The following ANKRD44 variants were observed in gnomAD, a reference collection of about 807,000 sequenced individuals.
ANKRD44 encodes serine/threonine-protein phosphatase 6 regulatory ankyrin repeat subunit B.
A neutral mutation model predicts 116.0 loss-of-function variants in ANKRD44; 35 were observed. The observed-to-expected ratio is 0.30, with a 90% CI of 0.23 to 0.40. ANKRD44 has a LOEUF of 0.40. ANKRD44 is among the 10% of genes least tolerant of loss of function. The pLI is 1.00. For missense variants in ANKRD44, 1,014 were observed against 1,242.6 expected, an observed-to-expected ratio of 0.82 and a Z score of 2.77; for synonymous variants, 435 against 461.8, an observed-to-expected ratio of 0.94 and a Z score of 0.74.
At chr2:197,261,924 G>T (rs201954403) in intron 1 of ANKRD44, among the ~76,000 whole-genome samples, 8 of 152,162 alleles carry the variant, frequency 5.3e-5, no homozygotes, top group Admixed American at 6.5e-5. Flanking sequence ...CTCACACCTC[G>T]AAATCATCTC....
At chr2:197,013,420 A>T in intron 18 of ANKRD44, 91 bp downstream of exon 18, 1 of 1,388,018 alleles carries the variant, frequency 7.2e-7, no homozygotes. Flanking sequence ...ATATTTAAAA[A>T]ACTGGGATGA....
chr2:197,126,186 T>TCTTTATC, intron 4 of ANKRD44, 149 bp from the exon 5 acceptor site: 1 of 680,028 alleles, frequency 1.5e-6, no homozygotes, highest in Non-Finnish European at 2.5e-6. Context: ...TAATATTTGG[T>TCTTTATC]AAAGATCAAA....
rs1462838156 is a variant in ANKRD44, at chr2:197,012,155, T to G, written c.1924+1356A>C. ...CTAAAGCTTCTGCACAGTAGACATT[T>G]TGTGAACAGTCCAGTGACAGTGTCT... On this transcript the variant is annotated intron_variant, in intron 18 of 27. Transcript: ENST00000282272. 2.0e-5 allele frequency among the ~76,000 whole-genome samples: 3 copies of G among 152,168 alleles called. No homozygotes were observed. The East Asian group carries it at 5.8e-4, about 29-fold the overall frequency.
At chr2:196,967,852 A>G (rs1208734436) in intron 21 of ANKRD44, among the ~76,000 whole-genome samples, 1 of 151,572 alleles carries the variant, frequency 6.6e-6, no homozygotes, top group Admixed American at 6.6e-5. Flanking sequence ...TGTAATCCCC[A>G]ATGCTGGAGG....
chr2:197,048,266 T>G (rs1400354602), intron 16 of ANKRD44, among the ~76,000 whole-genome samples: 1 of 152,214 alleles, frequency 6.6e-6, no homozygotes, highest in Non-Finnish European at 1.5e-5. Flanking sequence ...GCTATACATA[T>G]GCCATGTTGG....
chr2:197,163,016 T>C (rs1319360154), intron 2 of ANKRD44, among the ~76,000 whole-genome samples: 2 of 152,170 alleles, frequency 1.3e-5, no homozygotes, highest in South Asian at 2.1e-4. Context: ...ATGGAATCAA[T>C]GGCTTGGTTT....
At chr2:197,186,612 C>CTTTTTTTTTTTTTTTTTTTTTTTTTT (rs149107038) in intron 2 of ANKRD44, among the ~76,000 whole-genome samples, 1 of 50,784 alleles carries the variant, frequency 2.0e-5, no homozygotes, top group African/African-American at 4.7e-5. Flanking sequence ...GCTAATTTTT[C>CTTTTTTTTTTTTTTTTTTTTTTTTTT]TTTTTTTTTT....
chr2:197,147,191 T>C (rs1201714021), intron 2 of ANKRD44, 86 bp from the exon 3 acceptor site: 1 of 1,100,440 alleles, frequency 9.1e-7, no homozygotes, highest in Non-Finnish European at 1.4e-6. Context: ...TGTCACTCAC[T>C]CTGTGGTTAA....
chr2:197,113,820 T>C (rs2078646844), intron 8 of ANKRD44, among the ~76,000 whole-genome samples: 1 of 152,224 alleles, frequency 6.6e-6, no homozygotes, highest in South Asian at 2.1e-4. Flanking sequence ...TTTGCATCCA[T>C]CTTTGCAGAT....
At chr2:197,177,953 A>G (rs1374847055) in intron 2 of ANKRD44, among the ~76,000 whole-genome samples, 7 of 152,214 alleles carry the variant, frequency 4.6e-5, no homozygotes, top group Non-Finnish European at 8.8e-5. Flanking sequence ...GAAATAACCT[A>G]TTGGTTGTTT....
chr2:197,057,120 T>C (rs1378095329), intron 16 of ANKRD44, among the ~76,000 whole-genome samples: 6 of 152,232 alleles, frequency 3.9e-5, no homozygotes, highest in Non-Finnish European at 1.5e-5. Context: ...CCATTTAGTA[T>C]AATGTTTGCC....
At chr2:197,075,436 C>G (rs1200369241) in intron 16 of ANKRD44, among the ~76,000 whole-genome samples, 1 of 152,146 alleles carries the variant, frequency 6.6e-6, no homozygotes, top group Non-Finnish European at 1.5e-5. Flanking sequence ...GCCAAGTCTC[C>G]CCCACTTTGC....
intron 11 of ANKRD44, 147 bp downstream of exon 11, chr2:197,089,803 T>G (rs1320583095): frequency 3.3e-5 from 20 of 602,748 alleles, no homozygotes; most frequent in Admixed American, 1.4e-4. Flanking sequence ...AGCTGTCACA[T>G]GCAGTTAGCT....
At chr2:197,116,897 A>C (rs182024163) in intron 8 of ANKRD44, among the ~76,000 whole-genome samples, 20 of 152,280 alleles carry the variant, frequency 1.3e-4, no homozygotes, top group Non-Finnish European at 2.8e-4. Context: ...TTAACTCCCT[A>C]AGCCTACTCT....
chr2:197,296,628 C>T (rs1315066332), intron 1 of ANKRD44: 1 of 152,012 alleles, frequency 6.6e-6, no homozygotes, highest in African/African-American at 2.4e-5. Context: ...TTCCTTATTC[C>T]ACCTTTTCTT....
At chr2:197,272,869 G>A (rs1409048660) in intron 1 of ANKRD44, among the ~76,000 whole-genome samples, 1 of 151,948 alleles carries the variant, frequency 6.6e-6, no homozygotes. Flanking sequence ...GTATTCTGTT[G>A]GAAGCACCAA....
At chr2:197,013,192 G>A in intron 18 of ANKRD44, among the ~76,000 whole-genome samples, 1 of 152,124 alleles carries the variant, frequency 6.6e-6, no homozygotes, top group East Asian at 1.9e-4. Context: ...GTTTGATTTT[G>A]ATGTATTTTG....
At chr2:197,290,174 T>G (rs376953883) in intron 1 of ANKRD44, among the ~76,000 whole-genome samples, 1 of 152,186 alleles carries the variant, frequency 6.6e-6, no homozygotes, top group African/African-American at 2.4e-5. Context: ...GCACTGTGGC[T>G]CATGCCTATA....
rs1474590995 is a variant in ANKRD44, at chr2:196,988,264, C to T, written c.*1327G>A. The T allele has an allele frequency of 3.0e-6, 3 of 985,282 alleles. No homozygotes were observed. In the African/African-American group the frequency reaches 5.2e-5, roughly 17 times the overall value. The allele number at this position is 985,282 out of a possible 1,614,324, so 61.0% of individuals were successfully genotyped here. ...ATTTCCATTCACTTCTAGAAAAAGA[C>T]ACCGCAGCATATTGTGCTTCTTCAA... On this transcript the variant is annotated 3_prime_UTR_variant, in exon 28 of 28. Coordinates refer to ENST00000282272, the MANE Select transcript of ANKRD44 (RefSeq NM_001195144.2).
Sources: allele counts gnomAD v4.1 joint callset (sites outside exome capture counted in the v4.1 genomes callset), GRCh38; gene constraint gnomAD v4.1.1; transcripts MANE v1.5; gene names NCBI Gene and HGNC (gene_info 2026-07-23, HGNC 2026-07-21).